Variants in MFHAS1 observed in about 807,000 individuals in gnomAD.
The protein encoded by MFHAS1 is malignant fibrous histiocytoma-amplified sequence 1.
A neutral mutation model predicts 70.4 loss-of-function variants in MFHAS1; 50 were observed. That is an observed-to-expected ratio of 0.71 (90% CI 0.57 to 0.90). The LOEUF is 0.90. Among genes scored for constraint, MFHAS1 ranks in the 40% least tolerant of loss-of-function variants. MFHAS1 has a pLI of 0.00. For missense variants in MFHAS1, 1,795 were observed against 1,347.6 expected, an observed-to-expected ratio of 1.33 and a Z score of -5.20; for synonymous variants, 952 against 620.0, an observed-to-expected ratio of 1.54 and a Z score of -7.96.
At chr8:8,888,369 G>A (rs539766797) in intron 1 of MFHAS1, among the ~76,000 whole-genome samples, 35 of 152,266 alleles carry the variant, frequency 2.3e-4, no homozygotes, top group Non-Finnish European at 3.8e-4. Flanking sequence ...AGAGTGGGAC[G>A]CAGTCTTCCA....
At chr8:8,877,780 G>A (rs1047833361) in intron 1 of MFHAS1, among the ~76,000 whole-genome samples, 2 of 152,166 alleles carry the variant, frequency 1.3e-5, no homozygotes, top group Admixed American at 6.5e-5. Flanking sequence ...AATGACAAAG[G>A]GACAGGCTAG....
intron 1 of MFHAS1, among the ~76,000 whole-genome samples, chr8:8,862,304 C>A (rs951344986): frequency 6.6e-6 from 1 of 151,638 alleles, no homozygotes; most frequent in African/African-American, 2.4e-5. Context: ...CTTATACTTA[C>A]CTGCTATTCA....
chr8:8,793,077 T>C (rs1805773320), intron 2 of MFHAS1, among the ~76,000 whole-genome samples: 1 of 152,106 alleles, frequency 6.6e-6, no homozygotes, highest in Non-Finnish European at 1.5e-5. Flanking sequence ...GGGAGGCATT[T>C]CATCCTGTTC....
chr8:8,801,731 G>C (rs567046644), intron 1 of MFHAS1, among the ~76,000 whole-genome samples: 1 of 152,312 alleles, frequency 6.6e-6, no homozygotes, highest in Middle Eastern at 3.4e-3. Context: ...TACTGTGGGT[G>C]AGGACTGAAG....
intron 1 of MFHAS1, among the ~76,000 whole-genome samples, chr8:8,870,126 G>T (rs566695597): frequency 9.9e-5 from 15 of 152,158 alleles, no homozygotes; most frequent in African/African-American, 3.6e-4. Context: ...TCCTTCTGGT[G>T]AAAAAGTGTT....
chr8:8,830,912 C>T (rs1405223909), intron 1 of MFHAS1, among the ~76,000 whole-genome samples: 2 of 152,264 alleles, frequency 1.3e-5, no homozygotes, highest in East Asian at 3.9e-4. Context: ...TCTCAGTATA[C>T]TTTCCCTTCC....
At chr8:8,887,171 C>T (rs17154882) in intron 1 of MFHAS1, among the ~76,000 whole-genome samples, 1 of 152,078 alleles carries the variant, frequency 6.6e-6, no homozygotes, top group Non-Finnish European at 1.5e-5. Flanking sequence ...GCAAAGGCTG[C>T]CAATAGATTC....
At chr8:8,826,958 A>G (rs552967649) in intron 1 of MFHAS1, among the ~76,000 whole-genome samples, 1 of 152,336 alleles carries the variant, frequency 6.6e-6, no homozygotes, top group South Asian at 2.1e-4. Context: ...CCAACCCTGC[A>G]CTGCTGACAT....
At chr8:8,823,232 G>C (rs1294824813) in intron 1 of MFHAS1, among the ~76,000 whole-genome samples, 2 of 152,192 alleles carry the variant, frequency 1.3e-5, no homozygotes, top group African/African-American at 4.8e-5. Flanking sequence ...ATGTTTATTT[G>C]CAAGTTACTA....
chr8:8,884,837 C>G (rs1350378020), intron 1 of MFHAS1, among the ~76,000 whole-genome samples: 1 of 152,084 alleles, frequency 6.6e-6, no homozygotes, highest in Admixed American at 6.6e-5. Flanking sequence ...GGAGTCCCAG[C>G]TACTCAGGAG....
intron 2 of MFHAS1, among the ~76,000 whole-genome samples, chr8:8,796,608 C>T (rs1451497752): frequency 1.4e-5 from 2 of 140,766 alleles, no homozygotes; most frequent in African/African-American, 5.3e-5. Flanking sequence ...GGCCCGAACC[C>T]GGAAGGCGGA....
chr8:8,799,066 A>G (rs1235071064), intron 1 of MFHAS1, among the ~76,000 whole-genome samples: 1 of 151,964 alleles, frequency 6.6e-6, no homozygotes. Flanking sequence ...CAAAAAAAAA[A>G]AAAGAAAAGA....
At position 8,786,008 on chromosome 8, in the gene MFHAS1, C is replaced by T. The variant is rs1394823688; in HGVS notation, c.*14G>A. Reference sequence around the variant, plus strand: ...TGCTCTCTTTTCTCCATGGAAATTCCACAGCCACAAACGTCACTGGTTTCT... The same window carrying T: ...TGCTCTCTTTTCTCCATGGAAATTCTACAGCCACAAACGTCACTGGTTTCT... On this transcript the variant is annotated 3_prime_UTR_variant, in exon 3 of 3. Transcript: ENST00000276282. The T allele has an allele frequency of 1.9e-6, 3 of 1,613,910 alleles. No individual in the cohort carries two copies. Among genetic ancestry groups the T allele is most frequent in the African/African-American group, 1.3e-5 (1 of 74,892 alleles).
intron 1 of MFHAS1, among the ~76,000 whole-genome samples, chr8:8,852,346 C>G (rs1228192236): frequency 1.3e-5 from 2 of 152,006 alleles, no homozygotes; most frequent in African/African-American, 4.8e-5. Flanking sequence ...TGGTGGCATG[C>G]ACCTGTAATC....
intron 1 of MFHAS1, among the ~76,000 whole-genome samples, chr8:8,811,893 C>G (rs560117174): frequency 7.9e-5 from 12 of 152,328 alleles, no homozygotes; most frequent in Non-Finnish European, 1.6e-4. Flanking sequence ...TCCACACCCT[C>G]TTCTTCCACA....
intron 1 of MFHAS1, among the ~76,000 whole-genome samples, chr8:8,871,422 T>C (rs1174158997): frequency 6.6e-6 from 1 of 152,140 alleles, no homozygotes; most frequent in Non-Finnish European, 1.5e-5. Flanking sequence ...TGGTGGCACA[T>C]GCCTGTAATC....
intron 1 of MFHAS1, among the ~76,000 whole-genome samples, chr8:8,874,477 G>T (rs1220110904): frequency 2.6e-5 from 4 of 152,042 alleles, no homozygotes; most frequent in Admixed American, 2.6e-4. Context: ...AGTACAGCAT[G>T]ATCTCATTCC....
intron 1 of MFHAS1, among the ~76,000 whole-genome samples, chr8:8,849,509 T>A (rs1018275232): frequency 2.0e-5 from 3 of 152,248 alleles, no homozygotes; most frequent in African/African-American, 7.2e-5. Flanking sequence ...GTGTGTATTC[T>A]GTGTCAGTAA....
At chr8:8,846,027 C>T (rs1375904209) in intron 1 of MFHAS1, among the ~76,000 whole-genome samples, 5 of 151,886 alleles carry the variant, frequency 3.3e-5, no homozygotes, top group African/African-American at 9.7e-5. Context: ...CCAAGGCAGG[C>T]GGATCACTTG....
Sources: gnomAD v4.1 joint callset for allele counts (sites outside exome capture counted in the v4.1 genomes callset) on GRCh38, gnomAD v4.1.1 for gene constraint, MANE v1.5 for transcripts, NCBI Gene and HGNC (gene_info 2026-07-23, HGNC 2026-07-21) for gene names.